Variants in ABCC3 observed in about 807,000 individuals in gnomAD.
ABCC3 encodes ATP-binding cassette sub-family C member 3.
In ABCC3, 121 loss-of-function variants were observed where a neutral mutation model predicts 165.3. The observed-to-expected ratio is 0.73, with a 90% confidence interval of 0.63 to 0.85. The LOEUF (loss-of-function observed/expected upper bound fraction) is 0.85. Ranked by LOEUF, ABCC3 falls within the 40% of genes least tolerant of loss-of-function variation. The pLI is 0.00. For missense variants in ABCC3, 1,869 were observed against 1,964.1 expected (o/e 0.95, Z 0.92); for synonymous variants, 733 against 810.1 (o/e 0.90, Z 1.62).
In ABCC3 at chr17:50,679,906, A is replaced by G. The variant is rs1967898575; in HGVS notation, c.3807+7A>G. 2.5e-6 allele frequency: 4 copies of G among 1,610,970 alleles called. No individual in the cohort carries two copies. The highest frequency in any genetic ancestry group is 3.4e-6 in the Non-Finnish European group (4 of 1,177,370). On this transcript the variant is annotated splice_region_variant and intron_variant, in intron 26 of 30. Transcript: ENST00000285238. Reference sequence around the variant, plus strand: ...CTCCAAGACAGAGACAGAGGTGGGTACTGGCATGAGCCCGGGACAGGGGGA... The same window carrying G: ...CTCCAAGACAGAGACAGAGGTGGGTGCTGGCATGAGCCCGGGACAGGGGGA...
intron 1 of ABCC3, among the ~76,000 whole-genome samples, chr17:50,651,073 A>T (rs2146598472): frequency 6.6e-6 from 1 of 151,650 alleles, no homozygotes; most frequent in East Asian, 1.9e-4. Flanking sequence ...TCAGAAAAAA[A>T]AAAAAAAAAA....
Position 50,663,827 on chromosome 17 carries a change from G to A in ABCC3, c.1145G>A (p.Arg382His), listed in dbSNP as rs376917479. ...HYIFVTGVKF[R>H]TGIMGVIYRK... ...ATCTTTGTGACTGGGGTGAAGTTTC[G>A]TACTGGGATCATGGGTGTCATCTAC... The change falls in exon 9 of 31, where the codon CGT becomes CAT. Residue 382 changes from arginine to histidine, a missense_variant. By Grantham distance (29) the Arg-to-His change is conservative (BLOSUM62 0). Transcript: ENST00000285238. 8.1e-5 allele frequency: 130 copies of A among 1,614,030 alleles called. No homozygotes were observed. Among genetic ancestry groups the A allele is most frequent in the Non-Finnish European group, 9.7e-5 (114 of 1,180,046 alleles).
chr17:50,689,495 C>A (rs1968080995), intron 30 of ABCC3, among the ~76,000 whole-genome samples: 1 of 152,196 alleles, frequency 6.6e-6, no homozygotes, highest in Non-Finnish European at 1.5e-5. Context: ...AGGCAGGAGG[C>A]TCAGACAAGT....
intron 7 of ABCC3, 122 bp from the exon 8 acceptor site, chr17:50,660,801 C>A: frequency 1.2e-6 from 1 of 811,172 alleles, no homozygotes; most frequent in Non-Finnish European, 1.9e-6. Context: ...CCCCTCCCAG[C>A]TCTGAGAGCC....
At chr17:50,665,298 TG>T in intron 11 of ABCC3, 53 bp downstream of exon 11, 2 of 1,547,952 alleles carry the variant, frequency 1.3e-6, no homozygotes, top group Non-Finnish European at 1.8e-6. Flanking sequence ...GCCGGCTGCC[TG>T]GGGGAAGGTG....
At chr17:50,651,268 CTTTAAG>C (rs764825004) in intron 1 of ABCC3, among the ~76,000 whole-genome samples, 55 of 152,100 alleles carry the variant, frequency 3.6e-4, no homozygotes, top group Non-Finnish European at 1.2e-4. Context: ...TCCAAAATGT[CTTTAAG>C]TCTCTCTGTA....
At position 50,687,594 on chromosome 17, in the gene ABCC3, C is replaced by G. The variant is rs1359582966; in HGVS notation, c.4339C>G (p.Leu1447Val). 8.7e-6 allele frequency: 14 copies of G among 1,614,112 alleles called. No individual in the cohort carries two copies. The highest frequency in any genetic ancestry group is 1.6e-4 in the Middle Eastern group (1 of 6,084). ...AGCCCTGCTCCGCAAGAGCCGCATC[C>G]TGGTTTTAGACGAGGCCACAGCTGC... is the stretch of plus-strand genomic sequence containing the variant. ...ARALLRKSRI[L>V]VLDEATAAID... Residue 1447 changes from leucine (L) to valine (V), a missense_variant, in exon 30 of 31, where the codon CTG becomes GTG. Coordinates refer to ENST00000285238, the MANE Select transcript of ABCC3 (RefSeq NM_003786.4).
At chr17:50,685,816 C>T (rs1408319487) in intron 29 of ABCC3, among the ~76,000 whole-genome samples, 1 of 152,096 alleles carries the variant, frequency 6.6e-6, no homozygotes, top group Admixed American at 6.5e-5. Flanking sequence ...CTCCTCCCTT[C>T]CCTCCATCTT....
intron 1 of ABCC3, among the ~76,000 whole-genome samples, chr17:50,650,947 C>T (rs1967102419): frequency 6.6e-6 from 1 of 151,372 alleles, no homozygotes; most frequent in Non-Finnish European, 1.5e-5. Context: ...CACCTGTAAT[C>T]CCAGCTACTG....
chr17:50,676,687 A>G, intron 23 of ABCC3, 99 bp downstream of exon 23: 1 of 1,181,664 alleles, frequency 8.5e-7, no homozygotes, highest in Non-Finnish European at 1.2e-6. Flanking sequence ...GGCCACCAAC[A>G]TTACAGAGTT....
intron 7 of ABCC3, 47 bp downstream of exon 7, chr17:50,659,415 A>C: frequency 1.3e-6 from 2 of 1,573,732 alleles, no homozygotes; most frequent in Admixed American, 3.4e-5. Context: ...CGCTTACCCC[A>C]GATCTCCTGC....
chr17:50,676,015 G>C lies in ABCC3; in HGVS notation c.2992G>C (p.Asp998His), dbSNP rs1967795186. Residue 998 changes from aspartate to histidine, a missense_variant, in exon 22 of 31, where the codon GAT becomes CAT. Coordinates refer to ENST00000285238, the MANE Select transcript of ABCC3 (RefSeq NM_003786.4). ...TGTGTGGCTCAGTGCCTGGACAAAT[G>C]ATGCCATGGCAGACAGTAGACAGAA... ...ANVWLSAWTN[D>H]AMADSRQNNT... is the part of the protein sequence containing the mutation. 6.2e-7 allele frequency: 1 copy of C among 1,614,098 alleles called. No individual in the cohort carries two copies. Among genetic ancestry groups the C allele is most frequent in the African/African-American group, 1.3e-5 (1 of 74,928 alleles).
intron 1 of ABCC3, among the ~76,000 whole-genome samples, chr17:50,641,990 TG>T (rs751199356): frequency 3.6e-4 from 49 of 134,394 alleles, no homozygotes; most frequent in African/African-American, 8.0e-4. Flanking sequence ...AAGATTACAG[TG>T]GGGAAAAAAA....
At chr17:50,687,464 C>A in intron 29 of ABCC3, 72 bp from the exon 30 acceptor site, 2 of 1,473,970 alleles carry the variant, frequency 1.4e-6, no homozygotes, top group Non-Finnish European at 1.9e-6. Context: ...AGGAGTGAAA[C>A]AGGTCTGGGA....
chr17:50,674,798 AT>A (rs776451103), intron 19 of ABCC3, among the ~76,000 whole-genome samples: 33 of 133,778 alleles, frequency 2.5e-4, no homozygotes, highest in African/African-American at 7.1e-4. Flanking sequence ...AGTCATGCAG[AT>A]TTTTTTTTTT....
At chr17:50,652,937 C>T (rs1343944225) in intron 1 of ABCC3, among the ~76,000 whole-genome samples, 1 of 152,228 alleles carries the variant, frequency 6.6e-6, no homozygotes, top group Non-Finnish European at 1.5e-5. Context: ...CCAGTTGCTA[C>T]AAGAGAACAA....
chr17:50,643,427 A>G (rs1966927149), intron 1 of ABCC3: 15 of 421,408 alleles, frequency 3.6e-5, no homozygotes, highest in South Asian at 2.6e-4. Context: ...ATAGGACAAG[A>G]TGTACATGGT....
chr17:50,662,842 C>A (rs974691856), intron 8 of ABCC3, among the ~76,000 whole-genome samples: 1 of 151,956 alleles, frequency 6.6e-6, no homozygotes, highest in African/African-American at 2.4e-5. Flanking sequence ...CTGGAGGGCT[C>A]CATGTAGTCG....
At chr17:50,678,739 G>A (rs1967876878) in intron 25 of ABCC3, among the ~76,000 whole-genome samples, 1 of 152,192 alleles carries the variant, frequency 6.6e-6, no homozygotes, top group Non-Finnish European at 1.5e-5. Context: ...TGGCCAACAT[G>A]GTGAAACCCT....
Sources: gnomAD v4.1 joint callset for allele counts (sites outside exome capture counted in the v4.1 genomes callset) on GRCh38, gnomAD v4.1.1 for gene constraint, MANE v1.5 for transcripts, NCBI Gene and HGNC (gene_info 2026-07-23, HGNC 2026-07-21) for gene names.